The following HS6ST3 variants were observed in gnomAD, a reference collection of about 807,000 sequenced individuals.
HS6ST3 encodes the protein heparan sulfate 6-O-sulfotransferase 3.
HS6ST3 carries 12 observed loss-of-function variants against 36.7 expected under a neutral mutation model. The ratio of observed to expected loss-of-function variants is 0.33; its 90% CI spans 0.21 to 0.53. The LOEUF is 0.53. Among genes scored for constraint, HS6ST3 ranks in the 20% least tolerant of loss-of-function variants. The pLI, the probability that HS6ST3 is intolerant of heterozygous loss-of-function variation, is 0.95. For missense variants in HS6ST3, 584 were observed against 640.9 expected, an observed-to-expected ratio of 0.91 and a Z score of 0.96; for synonymous variants, 240 against 257.5, an observed-to-expected ratio of 0.93 and a Z score of 0.65.
chr13:96,554,975 G>C (rs994617450), intron 1 of HS6ST3, among the ~76,000 whole-genome samples: 1 of 152,000 alleles, frequency 6.6e-6, no homozygotes, highest in African/African-American at 2.4e-5. Context: ...AGATACTTGG[G>C]AGGCTGAGGT....
intron 1 of HS6ST3, among the ~76,000 whole-genome samples, chr13:96,631,823 A>T (rs188909567): frequency 6.6e-6 from 1 of 152,214 alleles, no homozygotes; most frequent in Non-Finnish European, 1.5e-5. Context: ...GGTCATCAGA[A>T]TCAGTATTGT....
intron 1 of HS6ST3, among the ~76,000 whole-genome samples, chr13:96,646,667 C>G (rs1354514980): frequency 6.6e-6 from 1 of 151,914 alleles, no homozygotes; most frequent in African/African-American, 2.4e-5. Flanking sequence ...TTGAGACTTT[C>G]TCATCCCTTT....
chr13:96,722,266 A>G (rs756137492), intron 1 of HS6ST3, among the ~76,000 whole-genome samples: 2 of 152,186 alleles, frequency 1.3e-5, no homozygotes, highest in Non-Finnish European at 2.9e-5. Flanking sequence ...TTCCGTCTAA[A>G]AAAAAAAGAA....
intron 1 of HS6ST3, among the ~76,000 whole-genome samples, chr13:96,787,689 A>T (rs973582418): frequency 3.9e-5 from 6 of 151,980 alleles, no homozygotes; most frequent in Non-Finnish European, 1.5e-5. Context: ...TGATTTGCAA[A>T]TATTTTCTCC....
intron 1 of HS6ST3, among the ~76,000 whole-genome samples, chr13:96,706,905 G>A (rs1435912741): frequency 6.6e-6 from 1 of 152,056 alleles, no homozygotes; most frequent in Non-Finnish European, 1.5e-5. Flanking sequence ...TGCCTTAACA[G>A]CAGTACTCAA....
intron 1 of HS6ST3, among the ~76,000 whole-genome samples, chr13:96,452,730 C>G (rs2055734159): frequency 6.6e-6 from 1 of 151,950 alleles, no homozygotes. Flanking sequence ...TCTTTTGGCA[C>G]CTATTCTTCT....
chr13:96,566,313 A>G (rs1317588955), intron 1 of HS6ST3, among the ~76,000 whole-genome samples: 2 of 152,144 alleles, frequency 1.3e-5, no homozygotes, highest in Non-Finnish European at 2.9e-5. Context: ...GAACTGAAGG[A>G]ATGCACCTCC....
chr13:96,576,744 C>G (rs1479586097), intron 1 of HS6ST3, among the ~76,000 whole-genome samples: 2 of 151,788 alleles, frequency 1.3e-5, no homozygotes, highest in African/African-American at 4.8e-5. Context: ...GAGTTGGAGA[C>G]CAGCCTGGCC....
intron 1 of HS6ST3, among the ~76,000 whole-genome samples, chr13:96,689,495 G>A (rs549349512): frequency 6.6e-6 from 1 of 151,944 alleles, no homozygotes; most frequent in Non-Finnish European, 1.5e-5. Flanking sequence ...GGAAAAAAAG[G>A]GCAGGTGCAT....
At chr13:96,433,003 G>A (rs759299108) in intron 1 of HS6ST3, among the ~76,000 whole-genome samples, 10 of 152,234 alleles carry the variant, frequency 6.6e-5, no homozygotes, top group Middle Eastern at 3.4e-3. Context: ...ATCCTGGGCA[G>A]GCCTATTTGG....
intron 1 of HS6ST3, among the ~76,000 whole-genome samples, chr13:96,313,761 A>G (rs527998791): frequency 6.6e-6 from 1 of 152,236 alleles, no homozygotes; most frequent in South Asian, 2.1e-4. Context: ...TTGTTCTCTA[A>G]TTTTATGATG....
At chr13:96,219,348 C>G (rs561863933) in intron 1 of HS6ST3, among the ~76,000 whole-genome samples, 1 of 152,312 alleles carries the variant, frequency 6.6e-6, no homozygotes, top group East Asian at 1.9e-4. Flanking sequence ...AACATCCACT[C>G]TCTTAGTTAT....
chr13:96,599,303 TA>T, intron 1 of HS6ST3, among the ~76,000 whole-genome samples: 1 of 152,044 alleles, frequency 6.6e-6, no homozygotes, highest in East Asian at 1.9e-4. Flanking sequence ...TAAAATTACT[TA>T]TTCATTCTCA....
At chr13:96,814,691 C>T (rs971095236) in intron 1 of HS6ST3, among the ~76,000 whole-genome samples, 1 of 151,960 alleles carries the variant, frequency 6.6e-6, no homozygotes, top group Admixed American at 6.6e-5. Flanking sequence ...ATTAATTTCT[C>T]ATATTTTGCA....
At chr13:96,095,874 G>GTGTGTC (rs1023720940) in intron 1 of HS6ST3, among the ~76,000 whole-genome samples, 1 of 149,850 alleles carries the variant, frequency 6.7e-6, no homozygotes, top group Non-Finnish European at 1.5e-5. Context: ...GTGTGTGTGT[G>GTGTGTC]TGTGTGTGTG....
chr13:96,331,679 C>CA (rs1399986980), intron 1 of HS6ST3, among the ~76,000 whole-genome samples: 19 of 152,214 alleles, frequency 1.2e-4, no homozygotes, highest in Non-Finnish European at 2.2e-4. Flanking sequence ...CAGAGGCAGG[C>CA]AGGCCTCCTT....
At chr13:96,169,970 T>G (rs1480204590) in intron 1 of HS6ST3, 1 of 152,252 alleles carries the variant, frequency 6.6e-6, no homozygotes, top group Non-Finnish European at 1.5e-5. Context: ...TTTACCATAT[T>G]AACCAACCCA....
At chr13:96,559,838 T>C (rs1047855598) in intron 1 of HS6ST3, among the ~76,000 whole-genome samples, 2 of 152,194 alleles carry the variant, frequency 1.3e-5, no homozygotes, top group South Asian at 4.1e-4. Context: ...TTTGTGCAGC[T>C]GGGAATTGCA....
At chr13:96,652,913 T>G (rs183948411) in intron 1 of HS6ST3, among the ~76,000 whole-genome samples, 3 of 152,250 alleles carry the variant, frequency 2.0e-5, no homozygotes, top group East Asian at 1.9e-4. Context: ...AGAAAATGTT[T>G]TATTTTGTCA....
Sources: gnomAD v4.1 joint callset for allele counts (sites outside exome capture counted in the v4.1 genomes callset) on GRCh38, gnomAD v4.1.1 for gene constraint, MANE v1.5 for transcripts, NCBI Gene and HGNC (gene_info 2026-07-23, HGNC 2026-07-21) for gene names.